The following RBBP8 variants were observed in gnomAD, a reference collection of about 807,000 sequenced individuals.
The protein encoded by RBBP8 is RB binding protein 8, endonuclease.
RBBP8 carries 88 observed loss-of-function variants against 108.3 expected under a neutral mutation model. The ratio of observed to expected loss-of-function variants is 0.81; its 90% CI spans 0.68 to 0.97. The LOEUF is 0.97. Among genes scored for constraint, RBBP8 ranks in the 50% least tolerant of loss-of-function variants. RBBP8 has a pLI of 0.00. For synonymous variants in RBBP8, 332 were observed against 348.2 expected (o/e 0.95, Z 0.52); for missense variants, 1,023 against 1,049.0 (o/e 0.98, Z 0.34).
At chr18:22,976,857 A>G (rs915372665) in intron 6 of RBBP8, among the ~76,000 whole-genome samples, 5 of 152,148 alleles carry the variant, frequency 3.3e-5, no homozygotes, top group African/African-American at 7.2e-5. Context: ...ACCAATGTGT[A>G]TAAGTTAGGT....
Position 22,949,692 on chromosome 18 carries a change from C to T in RBBP8, c.227C>T (p.Thr76Ile). The change falls in exon 4 of 19, where the codon ACC becomes ATC. Residue 76 changes from threonine to isoleucine, a missense_variant. Transcript: ENST00000327155. The part of the protein sequence containing the change: ...LREQQKVLHE[T>I]IKVLEDRLRA... ...GAACAGCAGAAAGTCCTTCATGAAA[C>T]CATTAAAGTTTTAGAAGATCGGTGA... 6.2e-7 allele frequency: 1 copy of T among 1,612,378 alleles called. No individual in the cohort carries two copies. The highest frequency in any genetic ancestry group is 1.3e-5 in the African/African-American group (1 of 74,974).
In RBBP8 at chr18:22,915,569, C is replaced by A. The variant is rs767832138; in HGVS notation, c.-240+84C>A. On this transcript the variant is annotated intron_variant, in intron 2 of 4. Coordinates refer to the RBBP8 transcript ENST00000577588. ...AAGCCAATATTAATTTTATTCAGCA[C>A]AAATTGTATTTTGACAAGTTTTTGG... is the stretch of plus-strand genomic sequence containing the variant. 57 of 152,030 alleles carry A rather than the reference C, an allele frequency of 3.7e-4. 1 individual carries two copies. Among genetic ancestry groups the A allele is most frequent in the Non-Finnish European group, 2.5e-4 (17 of 67,948 alleles). The allele number at this position is 152,030 out of a possible 1,614,324, so 9.4% of individuals were successfully genotyped here.
intron 15 of RBBP8, among the ~76,000 whole-genome samples, chr18:23,003,272 C>A (rs1482765777): frequency 6.6e-6 from 1 of 152,202 alleles, no homozygotes; most frequent in Non-Finnish European, 1.5e-5. Context: ...TCAGCTTAAA[C>A]GTAATGTCTA....
At chr18:22,944,101 G>A (rs1911339554) in intron 2 of RBBP8, among the ~76,000 whole-genome samples, 1 of 152,126 alleles carries the variant, frequency 6.6e-6, no homozygotes, top group Admixed American at 6.6e-5. Flanking sequence ...CCTTCCGATG[G>A]GTGTGGAGCA....
At chr18:23,000,489 C>G (rs1164759755) in intron 14 of RBBP8, among the ~76,000 whole-genome samples, 3 of 152,106 alleles carry the variant, frequency 2.0e-5, no homozygotes, top group Non-Finnish European at 1.5e-5. Flanking sequence ...CACCTGTAAT[C>G]CCAGTATTTT....
chr18:22,956,075 A>G (rs1238214583), intron 4 of RBBP8, among the ~76,000 whole-genome samples: 3 of 152,054 alleles, frequency 2.0e-5, no homozygotes, highest in African/African-American at 7.2e-5. Context: ...TGCCTATTGT[A>G]TAGTCTGTTT....
chr18:23,012,208 C>CAAAA (rs56096515), intron 16 of RBBP8, among the ~76,000 whole-genome samples: 20 of 109,596 alleles, frequency 1.8e-4, no homozygotes, highest in East Asian at 5.9e-4. Context: ...ATGCTGTCTC[C>CAAAA]AAAAAAAAAA....
chr18:22,935,221 C>A (rs1910438422), intron 1 of RBBP8, among the ~76,000 whole-genome samples: 1 of 150,824 alleles, frequency 6.6e-6, no homozygotes, highest in South Asian at 2.1e-4. Context: ...ACGCACCCAC[C>A]CAGCTTCAGA....
chr18:22,997,761 T>C, intron 14 of RBBP8, 27 bp downstream of exon 14: 4 of 1,436,788 alleles, frequency 2.8e-6, no homozygotes, highest in African/African-American at 1.4e-5. Flanking sequence ...TTTTGTTATT[T>C]TTTTTAATAA....
At chr18:22,993,947 T>G in intron 12 of RBBP8, 100 bp downstream of exon 12, 2 of 1,304,206 alleles carry the variant, frequency 1.5e-6, no homozygotes, top group Non-Finnish European at 1.1e-6. Context: ...GGAAAAAAAC[T>G]TATTTCTTCC....
At chr18:23,017,855 T>C (rs1267363569) in intron 17 of RBBP8, among the ~76,000 whole-genome samples, 1 of 150,442 alleles carries the variant, frequency 6.6e-6, no homozygotes, top group Non-Finnish European at 1.5e-5. Context: ...CAAGCAATTT[T>C]CCTGCCTCAG....
At position 22,948,637 on chromosome 18, in the gene RBBP8, G is replaced by A. The variant is rs539331092; in HGVS notation, c.153-981G>A. Among the ~76,000 whole-genome samples the A allele has an allele frequency of 1.4e-4, 21 of 152,120 alleles. 2 individuals carry two copies. In the South Asian group the frequency reaches 4.4e-3, roughly 32 times the overall value. ...AGTTGTTTTACTCATCTATTTTGGT[G>A]CCAGTGACACTATATTCTAGCCACT... is the stretch of plus-strand genomic sequence containing the variant. On this transcript the variant is annotated intron_variant, in intron 3 of 18. Coordinates refer to ENST00000327155, the MANE Select transcript of RBBP8 (RefSeq NM_002894.3).
At position 23,022,109 on chromosome 18, in the gene RBBP8, T is replaced by C; in HGVS notation, c.2455-20T>C. On this transcript the variant is annotated intron_variant, in intron 17 of 18. Coordinates refer to ENST00000327155, the MANE Select transcript of RBBP8 (RefSeq NM_002894.3). ...ATTTATTATTCTTTAGTGAAAAAAC[T>C]TACCAGTTTTTATTATTAGTATTAT... 1 of 1,567,326 alleles carries C rather than the reference T, an allele frequency of 6.4e-7. No individual in the cohort carries two copies. Among genetic ancestry groups the C allele is most frequent in the Non-Finnish European group, 8.8e-7 (1 of 1,137,684 alleles).
At chr18:22,943,618 A>G (rs1195017474) in intron 2 of RBBP8, among the ~76,000 whole-genome samples, 3 of 152,146 alleles carry the variant, frequency 2.0e-5, no homozygotes, top group Non-Finnish European at 4.4e-5. Context: ...TTGTTAGGCA[A>G]TTATAGAAAT....
intron 14 of RBBP8, among the ~76,000 whole-genome samples, chr18:23,000,643 G>A (rs1187392383): frequency 1.3e-5 from 2 of 151,226 alleles, no homozygotes; most frequent in Non-Finnish European, 2.9e-5. Flanking sequence ...TTGGGAGGCT[G>A]AAGCAGAAGG....
chr18:23,003,563 C>A (rs2045983422), intron 15 of RBBP8, among the ~76,000 whole-genome samples: 1 of 152,172 alleles, frequency 6.6e-6, no homozygotes, highest in South Asian at 2.1e-4. Flanking sequence ...TAGCACAATG[C>A]TCAGTAAATT....
At chr18:22,936,608 C>T (rs1910602425) in intron 1 of RBBP8, 146 bp from the exon 2 acceptor site, 2 of 485,594 alleles carry the variant, frequency 4.1e-6, no homozygotes, top group Non-Finnish European at 3.7e-6. Flanking sequence ...CTTATTCTTT[C>T]CTTCCCCTCC....
intron 16 of RBBP8, among the ~76,000 whole-genome samples, chr18:23,007,903 C>T (rs1272409605): frequency 6.6e-6 from 1 of 151,402 alleles, no homozygotes; most frequent in Non-Finnish European, 1.5e-5. Flanking sequence ...ACCTCTGCCT[C>T]CTGGGTTCAA....
chr18:22,997,651 C>G lies in RBBP8; in HGVS notation c.2060C>G (p.Thr687Arg). 6.2e-7 allele frequency: 1 copy of G among 1,609,026 alleles called. No homozygotes were observed. The highest frequency in any genetic ancestry group is 8.5e-7 in the Non-Finnish European group (1 of 1,176,862). ...AGTCAGTCAAAATTAGGAGGAGAGA[C>G]AGTGGACATGGACTGTACATTGGTT... The part of the protein sequence containing the change: ...DGSQSKLGGE[T>R]VDMDCTLVSE... The change falls in exon 14 of 19, where the codon ACA (threonine) becomes AGA (arginine). Residue 687 changes from threonine (T) to arginine (R), a missense_variant. By Grantham distance (71) the Thr-to-Arg change is moderately conservative. Transcript: ENST00000327155.
Sources: gnomAD v4.1 joint callset for allele counts (sites outside exome capture counted in the v4.1 genomes callset) on GRCh38, gnomAD v4.1.1 for gene constraint, MANE v1.5 for transcripts, NCBI Gene and HGNC (gene_info 2026-07-23, HGNC 2026-07-21) for gene names.